Variants in UNC13C observed in about 807,000 individuals in gnomAD.
The protein encoded by UNC13C is protein unc-13 homolog C.
Under a neutral mutation model 245.4 loss-of-function variants are expected in UNC13C, and 174 were observed. The ratio of observed to expected loss-of-function variants is 0.71; its 90% CI spans 0.63 to 0.80. The LOEUF (loss-of-function observed/expected upper bound fraction) is 0.80. Ranked by LOEUF, UNC13C falls within the 30% of genes least tolerant of loss-of-function variation. The pLI is 0.00. For synonymous variants in UNC13C, 992 were observed against 895.1 expected (o/e 1.11, Z -1.93); for missense variants, 2,829 against 2,602.9 (o/e 1.09, Z -1.89).
chr15:54,446,312 T>C (rs1890811701), intron 19 of UNC13C, among the ~76,000 whole-genome samples: 1 of 152,224 alleles, frequency 6.6e-6, no homozygotes, highest in South Asian at 2.1e-4. Flanking sequence ...TAAAGTAATT[T>C]TTTTCCAATT....
chr15:54,418,460 T>G (rs1320438919), intron 19 of UNC13C, among the ~76,000 whole-genome samples: 1 of 152,140 alleles, frequency 6.6e-6, no homozygotes, highest in Admixed American at 6.6e-5. Flanking sequence ...TAGGCTCACC[T>G]TCCACTGCTT....
intron 4 of UNC13C, among the ~76,000 whole-genome samples, chr15:54,148,222 C>CA: frequency 6.6e-6 from 1 of 152,174 alleles, no homozygotes; most frequent in Admixed American, 6.5e-5. Context: ...GGTACATTTA[C>CA]CAAAAAATAT....
chr15:54,206,748 A>T (rs1482557501), intron 4 of UNC13C, among the ~76,000 whole-genome samples: 1 of 152,118 alleles, frequency 6.6e-6, no homozygotes, highest in African/African-American at 2.4e-5. Context: ...CTTCTAATAG[A>T]TATACTAAGA....
intron 29 of UNC13C, among the ~76,000 whole-genome samples, chr15:54,561,208 T>G (rs549907441): frequency 6.6e-6 from 1 of 151,966 alleles, no homozygotes; most frequent in African/African-American, 2.4e-5. Flanking sequence ...GACTCCCCTT[T>G]GAGAAGCAGT....
At chr15:54,195,518 C>A (rs2141334443) in intron 4 of UNC13C, among the ~76,000 whole-genome samples, 1 of 152,208 alleles carries the variant, frequency 6.6e-6, no homozygotes, top group African/African-American at 2.4e-5. Context: ...AGTAGCAGGA[C>A]AGAAGCAGCG....
intron 4 of UNC13C, among the ~76,000 whole-genome samples, chr15:54,203,829 T>TATATACACAGAC (rs1555430919): frequency 1.4e-5 from 2 of 138,156 alleles, no homozygotes; most frequent in South Asian, 2.2e-4. Flanking sequence ...TACGTGTATG[T>TATATACACAGAC]ATATACACAT....
intron 22 of UNC13C, among the ~76,000 whole-genome samples, chr15:54,502,627 G>A (rs1481568713): frequency 1.3e-5 from 2 of 152,088 alleles, no homozygotes; most frequent in Non-Finnish European, 2.9e-5. Context: ...ATGAAACTGG[G>A]TCATTAGGAA....
the UNC13C span, among the ~76,000 whole-genome samples, chr15:53,853,298 G>A: frequency 6.6e-6 from 1 of 151,908 alleles, no homozygotes; most frequent in Non-Finnish European, 1.5e-5. Flanking sequence ...TCCTGCATTA[G>A]TTTGCACCAC....
intron 2 of UNC13C, among the ~76,000 whole-genome samples, chr15:54,130,308 T>TTTTTTTTTTTTTTTTG (rs67637704): frequency 8.4e-6 from 1 of 119,490 alleles, no homozygotes; most frequent in Non-Finnish European, 1.7e-5. Context: ...TTTTTTTTTT[T>TTTTTTTTTTTTTTTTG]GTGAGACGGA....
intron 1 of UNC13C, among the ~76,000 whole-genome samples, chr15:53,986,394 A>G (rs1894143761): frequency 1.3e-5 from 2 of 152,048 alleles, no homozygotes; most frequent in Admixed American, 1.3e-4. Context: ...ACTTGACACT[A>G]TAAGCCTGGA....
chr15:54,326,768 G>A (rs780206322), intron 14 of UNC13C, among the ~76,000 whole-genome samples: 2 of 151,986 alleles, frequency 1.3e-5, no homozygotes, highest in African/African-American at 2.4e-5. Context: ...GGTCCAAAAG[G>A]TAACTCAGGG....
In UNC13C at chr15:54,148,561, C is replaced by A. The variant is rs575043529; in HGVS notation, c.3071+4877C>A. On this transcript the variant is annotated intron_variant, in intron 4 of 32. Coordinates refer to ENST00000260323, the MANE Select transcript of UNC13C (RefSeq NM_001080534.3). ...CATAGTCTTGACTTCCATGTTTAGC[C>A]AGGGCCTAAAATCTTCCACTTAGCA... Among the ~76,000 whole-genome samples the A allele has an allele frequency of 8.5e-5, 13 of 152,252 alleles. No homozygotes were observed. In the South Asian group the frequency reaches 2.7e-3, roughly 32 times the overall value.
At chr15:54,590,861 G>C (rs1898749555) in intron 30 of UNC13C, among the ~76,000 whole-genome samples, 1 of 152,126 alleles carries the variant, frequency 6.6e-6, no homozygotes, top group South Asian at 2.1e-4. Context: ...GGCCATCCCT[G>C]TCTTGTTCTA....
At chr15:53,983,668 A>G (rs1369010901) in intron 1 of UNC13C, among the ~76,000 whole-genome samples, 2 of 151,980 alleles carry the variant, frequency 1.3e-5, no homozygotes, top group Non-Finnish European at 2.9e-5. Flanking sequence ...AATTGCTTTC[A>G]TTCTCCATTT....
intron 18 of UNC13C, among the ~76,000 whole-genome samples, chr15:54,399,391 T>C (rs1397364614): frequency 6.6e-6 from 1 of 151,782 alleles, no homozygotes; most frequent in Non-Finnish European, 1.5e-5. Context: ...GAAATCTTAA[T>C]TATTTCTAAA....
In UNC13C at chr15:54,445,008, T is replaced by A. The variant is rs1890729550; in HGVS notation, c.4933+29941T>A. ...AGCCCCTGGTGTGTGATGTTCCCCT[T>A]CCTGTGTCCAAGTGTTCACATTGTT... On this transcript the variant is annotated intron_variant, in intron 19 of 32. Coordinates refer to ENST00000260323, the MANE Select transcript of UNC13C (RefSeq NM_001080534.3). 2.3e-5 allele frequency among the ~76,000 whole-genome samples: 3 copies of A among 130,852 alleles called. No individual in the cohort carries two copies. In the South Asian group the frequency reaches 8.4e-4, roughly 36 times the overall value. 85.8% of individuals were successfully genotyped at this position (130,852 alleles called of 152,430 possible).
intron 24 of UNC13C, among the ~76,000 whole-genome samples, chr15:54,522,917 CTT>C (rs949381751): frequency 6.0e-4 from 92 of 152,120 alleles, no homozygotes; most frequent in African/African-American, 2.1e-3. Flanking sequence ...TTAATTTTTG[CTT>C]TTAACAATAA....
intron 2 of UNC13C, among the ~76,000 whole-genome samples, chr15:54,108,313 A>G (rs1213393367): frequency 6.6e-6 from 1 of 152,156 alleles, no homozygotes; most frequent in East Asian, 1.9e-4. Context: ...CAGCCTCCCC[A>G]GTAGCTGGGA....
intron 8 of UNC13C, 109 bp downstream of exon 8, chr15:54,250,553 T>C: frequency 1.0e-6 from 1 of 965,964 alleles, no homozygotes; most frequent in African/African-American, 1.6e-5. Context: ...TCCTACCCGC[T>C]CCCCTCCCAC....
Sources: gnomAD v4.1 joint callset for allele counts (sites outside exome capture counted in the v4.1 genomes callset) on GRCh38, gnomAD v4.1.1 for gene constraint, MANE v1.5 for transcripts, NCBI Gene and HGNC (gene_info 2026-07-23, HGNC 2026-07-21) for gene names.